Variants in AVL9 observed in about 807,000 individuals in gnomAD.
AVL9 encodes the protein late secretory pathway protein AVL9 homolog.
AVL9 carries 49 observed loss-of-function variants against 79.2 expected under a neutral mutation model. The ratio of observed to expected loss-of-function variants is 0.62; its 90% CI spans 0.49 to 0.79. The LOEUF is 0.79. AVL9 is among the 30% of genes least tolerant of loss of function. The pLI, the probability that AVL9 is intolerant of heterozygous loss-of-function variation, is 0.00. For synonymous variants in AVL9, 299 were observed against 280.6 expected (o/e 1.07, Z -0.65); for missense variants, 682 against 776.8 (o/e 0.88, Z 1.45).
rs987097913 is a variant in AVL9 at position 32,586,604 on chromosome 7, T to G, written c.*2697T>G. 6.6e-6 allele frequency: 1 copy of G among 152,248 alleles called. No homozygotes were observed. Among genetic ancestry groups the G allele is most frequent in the Non-Finnish European group, 1.5e-5 (1 of 68,084 alleles). 9.4% of individuals were successfully genotyped at this position (152,248 alleles called of 1,614,324 possible). A position where few individuals can be genotyped will look rare whatever the true frequency, so the allele number is the denominator to read the frequency against. On this transcript the variant is annotated 3_prime_UTR_variant, in exon 16 of 16. Coordinates refer to ENST00000318709, the MANE Select transcript of AVL9 (RefSeq NM_015060.3). ...AGGTCATCTTCTGACATAGCCCTGG[T>G]GAAGGTGTGTGTGTGTTGGTGGCCA...
chr7:32,570,900 C>T (rs1398525255), intron 11 of AVL9, among the ~76,000 whole-genome samples: 2 of 142,884 alleles, frequency 1.4e-5, no homozygotes, highest in Non-Finnish European at 1.5e-5. Context: ...GGATTACAGG[C>T]GTAAGCCACC....
rs529740896 is a variant in AVL9 at position 32,521,090 on chromosome 7, T to C, written c.94-22051T>C. ...AGGCCTCCCCAGCCATGTGGAACTT[T>C]AGTCCAATTAAATTTTTTTTTCTTC... On this transcript the variant is annotated intron_variant, in intron 1 of 15. Coordinates refer to ENST00000318709, the MANE Select transcript of AVL9 (RefSeq NM_015060.3). 7.9e-4 allele frequency among the ~76,000 whole-genome samples: 121 copies of C among 152,316 alleles called. 1 individual carries two copies. The highest frequency in any genetic ancestry group is 2.5e-3 in the African/African-American group (102 of 41,582).
chr7:32,521,643 T>C (rs1008415089), intron 1 of AVL9, among the ~76,000 whole-genome samples: 1 of 152,150 alleles, frequency 6.6e-6, no homozygotes, highest in African/African-American at 2.4e-5. Context: ...TACTATGCGA[T>C]AGACAAGAAA....
At chr7:32,525,729 A>G (rs9655005) in intron 1 of AVL9, among the ~76,000 whole-genome samples, 22,755 of 152,146 alleles carry the variant, frequency 0.15, 1,728 homozygotes, top group East Asian at 0.19. Context: ...TGACACACAA[A>G]TAATCTTTTT....
intron 3 of AVL9, among the ~76,000 whole-genome samples, chr7:32,545,415 A>C (rs1212610014): frequency 8.6e-6 from 1 of 116,680 alleles, no homozygotes. Context: ...TCTGTTGCCT[A>C]GGCTGGAGTG....
intron 10 of AVL9, among the ~76,000 whole-genome samples, chr7:32,568,845 A>C (rs59358640): frequency 5.3e-5 from 8 of 152,180 alleles, no homozygotes; most frequent in South Asian, 2.1e-4. Flanking sequence ...CTGGGTTGAG[A>C]AGCTCTATAC....
chr7:32,551,435 C>A lies in AVL9; in HGVS notation c.462+12C>A, dbSNP rs751057561. On this transcript the variant is annotated intron_variant, in intron 5 of 15. Transcript: ENST00000318709. ...TTTCTATTCTAAAGGTAACTTTATA[C>A]CCCTCTATAGATGTGTTTGGCTGAA... The A allele has an allele frequency of 4.8e-6, 7 of 1,456,374 alleles. No individual in the cohort carries two copies. Among genetic ancestry groups the A allele is most frequent in the South Asian group, 2.3e-5 (2 of 87,596 alleles). The allele number at this position is 1,456,374 out of a possible 1,614,324, so 90.2% of individuals were successfully genotyped here.
intron 2 of AVL9, among the ~76,000 whole-genome samples, chr7:32,543,913 CTTT>C (rs761679080): frequency 4.4e-5 from 3 of 68,686 alleles, no homozygotes; most frequent in Admixed American, 1.6e-4. Context: ...TTCTTTCTTT[CTTT>C]TTTTTTTTTG....
chr7:32,579,538 A>ATATATTATATAT (rs1791359886), intron 13 of AVL9, among the ~76,000 whole-genome samples: 1 of 4,102 alleles, frequency 2.4e-4, no homozygotes, highest in African/African-American at 1.2e-3. Context: ...ATATTATATT[A>ATATATTATATAT]TATATTATAT....
chr7:32,552,398 G>A lies in AVL9; in HGVS notation c.529+103G>A, dbSNP rs7789147. 3.8e-3 allele frequency: 2,465 copies of A among 645,396 alleles called. 46 individuals carry two copies. In the African/African-American group the frequency reaches 0.04, roughly 10 times the overall value. The allele number at this position is 645,396 out of a possible 1,614,324, so 40.0% of individuals were successfully genotyped here. A position where few individuals can be genotyped will look rare whatever the true frequency, so the allele number is the denominator to read the frequency against. ...TGATTAGAATTACATCTCTATATGG[G>A]ATCTAAATTCTTCAACATTTGATGC... On this transcript the variant is annotated intron_variant, in intron 6 of 15. Coordinates refer to ENST00000318709, the MANE Select transcript of AVL9 (RefSeq NM_015060.3).
At chr7:32,530,831 C>T (rs922147794) in intron 1 of AVL9, among the ~76,000 whole-genome samples, 1 of 152,092 alleles carries the variant, frequency 6.6e-6, no homozygotes, top group African/African-American at 2.4e-5. Context: ...TGGCATGTGC[C>T]TGTGGTCCTG....
chr7:32,514,950 T>A (rs1371556735), intron 1 of AVL9, among the ~76,000 whole-genome samples: 2 of 152,204 alleles, frequency 1.3e-5, no homozygotes, highest in African/African-American at 4.8e-5. Context: ...CAGCACATGT[T>A]TTTGTGAGCA....
chr7:32,506,751 A>C (rs1349993692), intron 1 of AVL9, among the ~76,000 whole-genome samples: 1 of 152,122 alleles, frequency 6.6e-6, no homozygotes, highest in South Asian at 2.1e-4. Context: ...CTATTTAAAA[A>C]AAAAAAAAGA....
chr7:32,525,771 C>T (rs80136217), intron 1 of AVL9, among the ~76,000 whole-genome samples: 2,603 of 152,182 alleles, frequency 0.017, 64 homozygotes, highest in African/African-American at 0.057. Flanking sequence ...TTTATTTCTC[C>T]TTGTTTTACT....
intron 10 of AVL9, among the ~76,000 whole-genome samples, chr7:32,565,204 G>A (rs1005195696): frequency 6.6e-6 from 1 of 152,108 alleles, no homozygotes; most frequent in Non-Finnish European, 1.5e-5. Context: ...TTCTAGTTAC[G>A]AGATTATTGC....
chr7:32,497,806 C>T (rs1786920607), intron 1 of AVL9, among the ~76,000 whole-genome samples: 2 of 152,082 alleles, frequency 1.3e-5, no homozygotes, highest in African/African-American at 2.4e-5. Flanking sequence ...CGCCCGCCAC[C>T]GCGCCCGGCT....
At chr7:32,542,314 C>T (rs369764240) in intron 1 of AVL9, among the ~76,000 whole-genome samples, 4 of 140,430 alleles carry the variant, frequency 2.8e-5, no homozygotes, top group East Asian at 2.1e-4. Context: ...CCAGGGCAGG[C>T]GGATTACCTT....
rs147571212 is a variant in AVL9, at chr7:32,503,168, G to A, written c.93+7366G>A. ...AAGTGTGACTTCTGAATAAACTCTGGGTGTTCATTTAGATTTCAAATATGG... is the reference window on the plus strand; with the variant it reads ...AAGTGTGACTTCTGAATAAACTCTGAGTGTTCATTTAGATTTCAAATATGG... On this transcript the variant is annotated intron_variant, in intron 1 of 15. Transcript: ENST00000318709. 9.2e-3 allele frequency among the ~76,000 whole-genome samples: 1,387 copies of A among 151,350 alleles called. 22 individuals are homozygous for A. The highest frequency in any genetic ancestry group is 0.03 in the African/African-American group (1,250 of 41,154).
chr7:32,507,717 T>A (rs1346678681), intron 1 of AVL9, among the ~76,000 whole-genome samples: 1 of 152,254 alleles, frequency 6.6e-6, no homozygotes, highest in Non-Finnish European at 1.5e-5. Context: ...TTTTTAGATG[T>A]CTCTTGGTGC....
Sources: allele counts gnomAD v4.1 joint callset (sites outside exome capture counted in the v4.1 genomes callset), GRCh38; gene constraint gnomAD v4.1.1; transcripts MANE v1.5; gene names NCBI Gene and HGNC (gene_info 2026-07-23, HGNC 2026-07-21).